Variants in RAB37 observed in about 807,000 individuals in gnomAD.
The protein encoded by RAB37 is RAB37, member RAS oncogene family.
A neutral mutation model predicts 33.1 loss-of-function variants in RAB37; 29 were observed. The ratio of observed to expected loss-of-function variants is 0.88; its 90% CI spans 0.65 to 1.20. The LOEUF is 1.20. Ranked by LOEUF, RAB37 falls within the 50% of genes most tolerant of loss-of-function variation. RAB37 has a pLI of 0.00. For synonymous variants in RAB37, 128 were observed against 119.5 expected (o/e 1.07, Z -0.47); for missense variants, 299 against 301.1 (o/e 0.99, Z 0.05).
At chr17:74,725,941 T>TA (rs889228292) in intron 1 of RAB37, among the ~76,000 whole-genome samples, 27 of 148,302 alleles carry the variant, frequency 1.8e-4, no homozygotes, top group East Asian at 6.4e-4. Flanking sequence ...CTAATGCTGA[T>TA]AAAAAAAAGA....
At position 74,743,184 on chromosome 17, in the gene RAB37, G is replaced by A. The variant is rs527644258; in HGVS notation, c.302G>A (p.Arg101Lys). Residue 101 changes from arginine (R) to lysine (K), a missense_variant, in exon 4 of 9, where the codon AGA (arginine) becomes AAA (lysine). Physicochemically the swap from Arg to Lys is conservative, Grantham distance 26 (BLOSUM62 2). Coordinates refer to ENST00000392613, the MANE Select transcript of RAB37 (RefSeq NM_001006638.3). ...RFRSVTHAYY[R>K]DAQALLLLYD... ...CGAAGCGTCACCCATGCTTATTACAGAGATGCTCAGGGTGAGTCCCTCGCA... is the reference window on the plus strand; with the variant it reads ...CGAAGCGTCACCCATGCTTATTACAAAGATGCTCAGGGTGAGTCCCTCGCA... 6.2e-7 allele frequency: 1 copy of A among 1,613,794 alleles called. No homozygotes were observed. Among genetic ancestry groups the A allele is most frequent in the East Asian group, 2.2e-5 (1 of 44,870 alleles).
chr17:74,696,339 G>A, intron 1 of RAB37: 1 of 1,025,876 alleles, frequency 9.7e-7, no homozygotes, highest in South Asian at 1.7e-5. Flanking sequence ...TCAGAGACAG[G>A]GACCTGGTTC....
At chr17:74,719,384 G>A (rs888233113) in intron 1 of RAB37, among the ~76,000 whole-genome samples, 2 of 152,148 alleles carry the variant, frequency 1.3e-5, no homozygotes, top group African/African-American at 2.4e-5. Flanking sequence ...CAGAGAGGTC[G>A]AGGCTGCAGT....
At chr17:74,721,205 G>A (rs112676883) in intron 1 of RAB37, among the ~76,000 whole-genome samples, 1 of 152,190 alleles carries the variant, frequency 6.6e-6, no homozygotes, top group Non-Finnish European at 1.5e-5. Flanking sequence ...AGGGCCGCAG[G>A]TCCAGGCTTG....
chr17:74,714,253 A>T (rs2034121982), intron 1 of RAB37, among the ~76,000 whole-genome samples: 1 of 152,062 alleles, frequency 6.6e-6, no homozygotes, highest in East Asian at 1.9e-4. Flanking sequence ...CTGCAGAGTC[A>T]TGCATGCCTG....
upstream of RAB37, among the ~76,000 whole-genome samples, chr17:74,733,325 TG>T (rs1320141075): frequency 1.3e-5 from 2 of 152,056 alleles, no homozygotes; most frequent in South Asian, 4.2e-4. Flanking sequence ...TGTGTGTTTG[TG>T]GTATAATGTA....
rs186575247 is a variant in RAB37 at position 74,680,034 on chromosome 17, G to A, written c.72+8376G>A. Among the ~76,000 whole-genome samples the A allele has an allele frequency of 2.0e-3, 304 of 151,026 alleles. 1 individual carries two copies. The highest frequency in any genetic ancestry group is 3.4e-3 in the Non-Finnish European group (229 of 67,834). ...AAAAACTGACTTGCTCAAGGTCATA[G>A]CCAGCATTGTGGAAGCCTGAATCAT... On this transcript the variant is annotated intron_variant, in intron 1 of 7. Coordinates refer to the RAB37 transcript ENST00000340415.
chr17:74,736,820 G>A (rs984320363), upstream of RAB37: 2 of 1,534,172 alleles, frequency 1.3e-6, no homozygotes, highest in Non-Finnish European at 1.7e-6. Flanking sequence ...GGCCATCGGC[G>A]GAGGCGCAGC....
rs1290711788 is a variant in RAB37, at chr17:74,742,276, G to T, written c.227G>T (p.Gly76Val). The T allele has an allele frequency of 1.2e-6, 2 of 1,613,282 alleles. No individual in the cohort carries two copies. Among genetic ancestry groups the T allele is most frequent in the Non-Finnish European group, 1.7e-6 (2 of 1,179,586 alleles). ...CAGAACAAGGTGGTGACTGTGGATG[G>T]CGTGAGAGTGAAGCTGCAGGTGAGA... is the stretch of plus-strand genomic sequence containing the variant. ...DFRNKVVTVDGVRVKLQIWDT... is the reference protein window; with the variant it reads ...DFRNKVVTVDVVRVKLQIWDT... Residue 76 changes from glycine to valine, a missense_variant, in exon 3 of 9, where the codon GGC becomes GTC. By Grantham distance (109) the Gly-to-Val change is moderately radical. Coordinates refer to ENST00000392613, the MANE Select transcript of RAB37 (RefSeq NM_001006638.3). This position sits in a 1 kb window ranked among gnomAD's most constrained non-coding sequence, Gnocchi z 4.0.
chr17:74,737,452 C>G, intron 1 of RAB37, 87 bp downstream of exon 1: 2 of 1,376,570 alleles, frequency 1.5e-6, no homozygotes, highest in South Asian at 1.4e-5. Flanking sequence ...GCCCTTCCCC[C>G]AGGCAGCTGC....
chr17:74,672,369 C>T (rs1208565604), intron 1 of RAB37, among the ~76,000 whole-genome samples: 2 of 152,156 alleles, frequency 1.3e-5, no homozygotes, highest in African/African-American at 4.8e-5. Flanking sequence ...TATTATGGCT[C>T]ACCTTCCTTT....
intron 1 of RAB37, among the ~76,000 whole-genome samples, chr17:74,713,675 G>A (rs2034102335): frequency 6.6e-6 from 1 of 152,012 alleles, no homozygotes; most frequent in African/African-American, 2.4e-5. Flanking sequence ...AGTTCAAGAG[G>A]ATTGAGGGGC....
At chr17:74,684,218 C>G (rs891207650) in intron 1 of RAB37, among the ~76,000 whole-genome samples, 1 of 152,136 alleles carries the variant, frequency 6.6e-6, no homozygotes, top group East Asian at 1.9e-4. Context: ...CCTACTTCAG[C>G]CTCCTGAGCA....
intron 1 of RAB37, among the ~76,000 whole-genome samples, chr17:74,717,689 A>T (rs2034183532): frequency 1.3e-5 from 2 of 151,492 alleles, no homozygotes; most frequent in Admixed American, 1.3e-4. Flanking sequence ...CATGCCTGTA[A>T]TCCCAGCTAC....
chr17:74,676,979 G>A lies in RAB37; in HGVS notation c.72+5321G>A, dbSNP rs528195063. ...CAGCTTGGCCAACATGGTGAAACTC[G>A]TCTCTACTAAAAATACAAAAATTAG... On this transcript the variant is annotated intron_variant, in intron 1 of 7. Coordinates refer to the RAB37 transcript ENST00000340415. The surrounding 1 kb of genome is among the most constrained non-coding windows in gnomAD (Gnocchi z 4.1). Among the ~76,000 whole-genome samples the A allele has an allele frequency of 5.9e-5, 9 of 151,818 alleles. No homozygotes were observed. Among genetic ancestry groups the A allele is most frequent in the East Asian group, 1.9e-4 (1 of 5,168 alleles).
Position 74,744,727 on chromosome 17 carries a change from A to G in RAB37, c.433-146A>G, listed in dbSNP as rs1012344185. On this transcript the variant is annotated intron_variant, in intron 6 of 8. Transcript: ENST00000392613. The surrounding 1 kb of genome is among the most constrained non-coding windows in gnomAD (Gnocchi z 4.2). Reference sequence around the variant, plus strand: ...CCCAGAGCTGGGAGCTACACTGGGCAGAAACCCTGGCCCCAGGCCAATCAC... The same window carrying G: ...CCCAGAGCTGGGAGCTACACTGGGCGGAAACCCTGGCCCCAGGCCAATCAC... The G allele has an allele frequency of 4.3e-6, 4 of 930,186 alleles. No homozygotes were observed. The African/African-American group carries it at 6.5e-5, about 15-fold the overall frequency. 57.6% of individuals were successfully genotyped at this position (930,186 alleles called of 1,614,324 possible).
chr17:74,737,135 C>G (rs375857097), upstream of RAB37: 19 of 1,503,846 alleles, frequency 1.3e-5, no homozygotes, highest in Admixed American at 3.4e-4. Context: ...CCGGTGTCGT[C>G]GAGGGGGCGA....
chr17:74,743,350 C>G lies in RAB37; in HGVS notation c.366+10C>G, dbSNP rs200801978. On this transcript the variant is annotated intron_variant, in intron 5 of 8. Transcript: ENST00000392613. Reference sequence around the variant, plus strand: ...TTTCGACAACATCAGGGTAGGTCCTCCCTTCCCCTGACTCCCACCCATAAG... The same window carrying G: ...TTTCGACAACATCAGGGTAGGTCCTGCCTTCCCCTGACTCCCACCCATAAG... 6.9e-5 allele frequency: 112 copies of G among 1,613,800 alleles called. No homozygotes were observed. The African/African-American group carries it at 1.4e-3, about 20-fold the overall frequency.
chr17:74,699,785 A>G (rs1280265824), intron 1 of RAB37, among the ~76,000 whole-genome samples: 2 of 152,148 alleles, frequency 1.3e-5, no homozygotes, highest in Non-Finnish European at 2.9e-5. Flanking sequence ...GTAGTGGATC[A>G]TTGCCACAGC....
Sources: allele counts gnomAD v4.1 joint callset (sites outside exome capture counted in the v4.1 genomes callset), GRCh38; gene constraint gnomAD v4.1.1; non-coding constraint Gnocchi (gnomAD v3.1); transcripts MANE v1.5; gene names NCBI Gene and HGNC (gene_info 2026-07-23, HGNC 2026-07-21).